RYR3: variants seen among roughly 807,000 people sequenced by gnomAD.
RYR3 encodes brain ryanodine receptor-calcium release channel.
In RYR3, 207 loss-of-function variants were observed where a neutral mutation model predicts 584.3. That is an observed-to-expected ratio of 0.35 (90% confidence interval 0.32 to 0.40). The LOEUF is 0.40. Ranked by LOEUF, RYR3 falls within the 10% of genes least tolerant of loss-of-function variation. RYR3 has a pLI of 1.00. For missense variants in RYR3, 5,616 were observed against 6,089.2 expected (o/e 0.92, Z 2.59); for synonymous variants, 2,416 against 2,248.5 (o/e 1.07, Z -2.11).
chr15:33,334,210 GC>G, intron 1 of RYR3, among the ~76,000 whole-genome samples: 1 of 152,282 alleles, frequency 6.6e-6, no homozygotes, highest in South Asian at 2.1e-4. Context: ...CCAAAAAAGA[GC>G]CTGAATAGCC....
At chr15:33,729,338 T>C (rs997440600) in intron 47 of RYR3, among the ~76,000 whole-genome samples, 3 of 152,104 alleles carry the variant, frequency 2.0e-5, no homozygotes, top group African/African-American at 7.2e-5. Flanking sequence ...ACCCACTAGA[T>C]ATCAGTAGCA....
chr15:33,503,143 C>T (rs1281255076), intron 2 of RYR3, among the ~76,000 whole-genome samples: 2 of 152,010 alleles, frequency 1.3e-5, no homozygotes, highest in South Asian at 2.1e-4. Context: ...AGCTCTTAAC[C>T]CCCTCTGTGG....
intron 49 of RYR3, 69 bp from the exon 50 acceptor site, chr15:33,738,381 G>C (rs949154189): frequency 2.7e-6 from 4 of 1,471,684 alleles, no homozygotes; most frequent in Non-Finnish European, 3.7e-6. Context: ...ATTCTCTCCT[G>C]CATGTTTTTG....
At chr15:33,667,776 G>C (rs538608543) in intron 36 of RYR3, among the ~76,000 whole-genome samples, 1 of 152,236 alleles carries the variant, frequency 6.6e-6, no homozygotes, top group East Asian at 1.9e-4. Flanking sequence ...AAAAATCCCT[G>C]AGTCAGGCCC....
Position 33,848,326 on chromosome 15 carries a change from C to T in RYR3, c.13533C>T (p.Ile4511=), listed in dbSNP as rs546016328. The T allele has an allele frequency of 1.7e-5, 28 of 1,613,816 alleles. No individual in the cohort carries two copies. The highest frequency in any genetic ancestry group is 2.2e-5 in the Non-Finnish European group (26 of 1,179,896). Residue 4511 remains isoleucine, a synonymous_variant, in exon 94 of 104, where the codon ATC becomes ATT. Coordinates refer to ENST00000634891, the MANE Select transcript of RYR3 (RefSeq NM_001036.6). ...TGGTTTTCAAAAGGGAAAAAGAAAT[C>T]GCCAGGAAGCTGGAGTTTGATGGCC... ...PLVVFKREKE[I]ARKLEFDGLY... is the part of the protein sequence containing the mutation.
At chr15:33,711,360 C>T (rs887675166) in intron 43 of RYR3, among the ~76,000 whole-genome samples, 8 of 150,984 alleles carry the variant, frequency 5.3e-5, no homozygotes, top group African/African-American at 2.0e-4. Flanking sequence ...TCTCCTGCCT[C>T]AGCCTCCTGA....
chr15:33,362,979 A>G (rs909485294), intron 1 of RYR3, among the ~76,000 whole-genome samples: 3 of 152,236 alleles, frequency 2.0e-5, no homozygotes, highest in African/African-American at 4.8e-5. Flanking sequence ...TTAGAGAACA[A>G]CAGGGCAGTG....
chr15:33,359,144 C>T (rs1974390274), intron 1 of RYR3, among the ~76,000 whole-genome samples: 1 of 152,180 alleles, frequency 6.6e-6, no homozygotes. Context: ...ATAACTATTG[C>T]TTCCATCTTT....
chr15:33,562,042 A>G (rs2057434052), intron 10 of RYR3, among the ~76,000 whole-genome samples: 1 of 152,258 alleles, frequency 6.6e-6, no homozygotes, highest in Admixed American at 6.5e-5. Flanking sequence ...AGAAATGGAA[A>G]TAGGGTATAA....
chr15:33,721,441 A>G lies in RYR3; in HGVS notation c.6620-1274A>G, dbSNP rs578260224. Among the ~76,000 whole-genome samples, 3 of 152,242 alleles carry G rather than the reference A, an allele frequency of 2.0e-5. No homozygotes were observed. The South Asian group carries it at 6.2e-4, about 32-fold the overall frequency. ...AAATATTTATTGTTCTAGCCTGCCA[A>G]TATTTTGAGGGAATTTTTTGCACGA... On this transcript the variant is annotated intron_variant, in intron 43 of 103. Transcript: ENST00000634891.
At position 33,696,330 on chromosome 15, in the gene RYR3, C is replaced by T; in HGVS notation, c.5973C>T (p.Asp1991=). 1 of 1,613,874 alleles carries T rather than the reference C, an allele frequency of 6.2e-7. No individual in the cohort carries two copies. The highest frequency in any genetic ancestry group is 8.5e-7 in the Non-Finnish European group (1 of 1,179,866). The change falls in exon 39 of 104, where the codon GAC becomes GAT. Residue 1991 remains aspartate (D), a synonymous_variant. Coordinates refer to ENST00000634891, the MANE Select transcript of RYR3 (RefSeq NM_001036.6). ...TCAACCTCCTCCGGAGGCAGTATGA[C>T]AGCATTGGGGAGCTGCTGCAGGCGC... ...MMFNLLRRQY[D]SIGELLQALR...
In RYR3 at chr15:33,458,421, A is replaced by C. The variant is rs141173010; in HGVS notation, c.52-14998A>C. ...TTTGAACTCCAGGACTACTTATGTCACCAGCTTTCCTGGTTCTCAGCCTGC... is the reference window on the plus strand; with the variant it reads ...TTTGAACTCCAGGACTACTTATGTCCCCAGCTTTCCTGGTTCTCAGCCTGC... On this transcript the variant is annotated intron_variant, in intron 1 of 103. Transcript: ENST00000634891. Among the ~76,000 whole-genome samples, 10 of 152,294 alleles carry C rather than the reference A, an allele frequency of 6.6e-5. No homozygotes were observed. In the East Asian group the frequency reaches 1.9e-3, roughly 29 times the overall value.
At chr15:33,502,090 G>C (rs1358557302) in intron 2 of RYR3, among the ~76,000 whole-genome samples, 2 of 152,146 alleles carry the variant, frequency 1.3e-5, no homozygotes, top group African/African-American at 4.8e-5. Context: ...CAAATCCTTA[G>C]TAGAAAAGTA....
chr15:33,811,580 T>C (rs1277578130), intron 72 of RYR3, among the ~76,000 whole-genome samples: 3 of 151,962 alleles, frequency 2.0e-5, no homozygotes, highest in Non-Finnish European at 4.4e-5. Context: ...TGTTTGTTTG[T>C]TTTTGCCCTT....
At chr15:33,807,882 G>A in intron 70 of RYR3, 1 of 402,586 alleles carries the variant, frequency 2.5e-6, no homozygotes, top group Non-Finnish European at 4.5e-6. Context: ...GACTGACAGG[G>A]CTTGAGAACC....
intron 38 of RYR3, among the ~76,000 whole-genome samples, chr15:33,681,736 A>G (rs1465645044): frequency 6.6e-6 from 1 of 152,236 alleles, no homozygotes; most frequent in Admixed American, 6.5e-5. Context: ...TGTGAGCATT[A>G]TAAATTGCTT....
At chr15:33,549,075 T>A (rs924033616) in intron 9 of RYR3, among the ~76,000 whole-genome samples, 2 of 152,212 alleles carry the variant, frequency 1.3e-5, no homozygotes, top group African/African-American at 4.8e-5. Flanking sequence ...ACACGTTTTT[T>A]TTTTCTGATA....
At chr15:33,636,780 T>G (rs146268601) in intron 27 of RYR3, among the ~76,000 whole-genome samples, 2 of 152,344 alleles carry the variant, frequency 1.3e-5, no homozygotes, top group Non-Finnish European at 2.9e-5. Context: ...CTCAGATAGG[T>G]TAACCAAGAA....
chr15:33,455,455 C>T (rs914637495), intron 1 of RYR3, among the ~76,000 whole-genome samples: 4 of 152,052 alleles, frequency 2.6e-5, no homozygotes, highest in Non-Finnish European at 5.9e-5. Context: ...TCTAAAGGCA[C>T]AAGAGGCTGA....
Sources: allele counts gnomAD v4.1 joint callset (sites outside exome capture counted in the v4.1 genomes callset), GRCh38; gene constraint gnomAD v4.1.1; transcripts MANE v1.5; gene names NCBI Gene and HGNC (gene_info 2026-07-23, HGNC 2026-07-21).